COL15A1: variants seen among roughly 807,000 people sequenced by gnomAD.
The protein encoded by COL15A1 is collagen type XV alpha 1 chain.
In COL15A1, 111 loss-of-function variants were observed where a neutral mutation model predicts 165.9. The ratio of observed to expected loss-of-function variants is 0.67; its 90% CI spans 0.57 to 0.78. COL15A1 has a LOEUF of 0.78. Among genes scored for constraint, COL15A1 ranks in the 30% least tolerant of loss-of-function variants. COL15A1 has a pLI of 0.00. For synonymous variants in COL15A1, 659 were observed against 674.8 expected (o/e 0.98, Z 0.36); for missense variants, 1,745 against 1,789.7 (o/e 0.98, Z 0.45).
At chr9:99,068,138 C>T (rs1206929726) in intron 40 of COL15A1, among the ~76,000 whole-genome samples, 1 of 152,072 alleles carries the variant, frequency 6.6e-6, no homozygotes, top group African/African-American at 2.4e-5. Context: ...GGGCTGGAGA[C>T]TCTAATGTGA....
chr9:99,043,377 CTTTAAACACTCTG>C (rs1463514191), intron 24 of COL15A1, among the ~76,000 whole-genome samples: 3 of 152,034 alleles, frequency 2.0e-5, no homozygotes, highest in Non-Finnish European at 4.4e-5. Context: ...GCACCTCTTG[CTTTAAACACTCTG>C]TTTAAACACT....
intron 2 of COL15A1, among the ~76,000 whole-genome samples, chr9:98,970,540 C>T (rs1386949122): frequency 1.3e-5 from 2 of 152,214 alleles, no homozygotes; most frequent in Non-Finnish European, 1.5e-5. Context: ...AATATCTGCC[C>T]CTACAACACC....
intron 24 of COL15A1, 53 bp downstream of exon 24, chr9:99,042,160 G>T (rs375064387): frequency 7.7e-7 from 1 of 1,298,762 alleles, no homozygotes; most frequent in Non-Finnish European, 1.1e-6. Flanking sequence ...TTTGCTAAAC[G>T]TTTCAGATTG....
intron 30 of COL15A1, 114 bp downstream of exon 30, chr9:99,050,009 T>TACACTTAGGGGACAGAAGACA: frequency 7.0e-7 from 1 of 1,429,956 alleles, no homozygotes; most frequent in Non-Finnish European, 9.8e-7. Context: ...CTCTGATGTC[T>TACACTTAGGGGACAGAAGACA]TCTGTCCCCT....
intron 2 of COL15A1, among the ~76,000 whole-genome samples, chr9:98,972,296 G>T (rs1838071581): frequency 6.6e-6 from 1 of 152,076 alleles, no homozygotes; most frequent in African/African-American, 2.4e-5. Context: ...GCATCAGATT[G>T]ACGCAGGCAA....
At chr9:98,978,492 C>G (rs1465997412) in intron 2 of COL15A1, among the ~76,000 whole-genome samples, 1 of 152,206 alleles carries the variant, frequency 6.6e-6, no homozygotes, top group African/African-American at 2.4e-5. Context: ...AGAGGAAAAG[C>G]TTTTTACTGG....
chr9:98,987,891 G>T (rs756252459), intron 4 of COL15A1, among the ~76,000 whole-genome samples: 22 of 152,206 alleles, frequency 1.4e-4, no homozygotes, highest in Non-Finnish European at 2.6e-4. Flanking sequence ...TTAATAAGCT[G>T]CTCATATGCA....
At chr9:99,020,348 A>G in intron 11 of COL15A1, 41 bp from the exon 12 acceptor site, 1 of 1,511,896 alleles carries the variant, frequency 6.6e-7, no homozygotes, top group Admixed American at 1.7e-5. Flanking sequence ...CATGTCCCAA[A>G]TATGTTGTGG....
At chr9:98,986,726 G>C (rs1333249527) in intron 3 of COL15A1, among the ~76,000 whole-genome samples, 1 of 152,202 alleles carries the variant, frequency 6.6e-6, no homozygotes, top group Admixed American at 6.5e-5. Context: ...TGGTGAACAG[G>C]ACAGCACCAC....
intron 40 of COL15A1, 35 bp downstream of exon 40, chr9:99,067,102 T>C (rs773818920): frequency 3.8e-6 from 6 of 1,576,430 alleles, no homozygotes; most frequent in Admixed American, 1.7e-5. Flanking sequence ...GCCTTCTGCA[T>C]GCATTGGTCG....
chr9:99,038,660 C>T lies in COL15A1; in HGVS notation c.2410-8C>T. The T allele has an allele frequency of 6.3e-7, 1 of 1,579,228 alleles. No individual in the cohort carries two copies. The highest frequency in any genetic ancestry group is 1.1e-5 in the South Asian group (1 of 90,120). On this transcript the variant is annotated splice_region_variant and splice_polypyrimidine_tract_variant and intron_variant, in intron 21 of 41. Coordinates refer to ENST00000375001, the MANE Select transcript of COL15A1 (RefSeq NM_001855.5). ...TTTGTCCTCATTGTCTGATTTTTCT[C>T]TTTTCAGTCCTTGATCAATATCACC...
intron 2 of COL15A1, among the ~76,000 whole-genome samples, chr9:98,957,414 G>T (rs1321961562): frequency 6.6e-6 from 1 of 152,182 alleles, no homozygotes; most frequent in Non-Finnish European, 1.5e-5. Flanking sequence ...CTCCAGAACT[G>T]TAAGATAAAA....
intron 39 of COL15A1, among the ~76,000 whole-genome samples, chr9:99,065,798 G>A (rs1416026772): frequency 4.6e-5 from 7 of 151,500 alleles, no homozygotes; most frequent in Admixed American, 3.9e-4. Context: ...CCAGAGATGT[G>A]CAAGGGCTGC....
chr9:98,959,191 G>A (rs1218812426), intron 2 of COL15A1, among the ~76,000 whole-genome samples: 1 of 124,162 alleles, frequency 8.1e-6, no homozygotes, highest in African/African-American at 3.2e-5. Context: ...AGGAGTTCGA[G>A]ACCAGCCTAG....
intron 9 of COL15A1, among the ~76,000 whole-genome samples, chr9:99,005,691 C>T (rs1426652758): frequency 6.6e-6 from 1 of 152,204 alleles, no homozygotes; most frequent in African/African-American, 2.4e-5. Context: ...TCCCATCAAG[C>T]ATCAAGTCTT....
rs544454009 is a variant in COL15A1 at position 98,985,789 on chromosome 9, G to C, written c.325G>C (p.Ala109Pro). The C allele has an allele frequency of 6.2e-7, 1 of 1,614,006 alleles. No individual in the cohort carries two copies. Among genetic ancestry groups the C allele is most frequent in the East Asian group, 2.2e-5 (1 of 44,884 alleles). Reference sequence around the variant, plus strand: ...CAGCACCCGTGGTGGCGTGCTCTTCGCCATCACTGACGCCTTCCAGAAGGT... The same window carrying C: ...CAGCACCCGTGGTGGCGTGCTCTTCCCCATCACTGACGCCTTCCAGAAGGT... Reference protein sequence around the residue: ...PSSTRGGVLFAITDAFQKVIY... With the variant: ...PSSTRGGVLFPITDAFQKVIY... The change falls in exon 3 of 42, where the codon GCC becomes CCC. Residue 109 changes from alanine to proline, a missense_variant. Transcript: ENST00000375001.
At chr9:98,962,575 A>C (rs1837881318) in intron 2 of COL15A1, among the ~76,000 whole-genome samples, 1 of 152,242 alleles carries the variant, frequency 6.6e-6, no homozygotes, top group Non-Finnish European at 1.5e-5. Context: ...GTGCTTTTAA[A>C]GATAAAGCAA....
chr9:99,010,917 G>A (rs777426670), intron 9 of COL15A1, among the ~76,000 whole-genome samples: 10 of 152,322 alleles, frequency 6.6e-5, no homozygotes, highest in Middle Eastern at 3.4e-3. Flanking sequence ...TCTGCAGTGC[G>A]ACTGCTGTTC....
intron 2 of COL15A1, among the ~76,000 whole-genome samples, chr9:98,970,224 T>G (rs1407522894): frequency 2.0e-5 from 3 of 152,182 alleles, no homozygotes; most frequent in Non-Finnish European, 2.9e-5. Context: ...TATGCCAGGC[T>G]CTGGATTACA....
Sources: allele counts gnomAD v4.1 joint callset (sites outside exome capture counted in the v4.1 genomes callset), GRCh38; gene constraint gnomAD v4.1.1; transcripts MANE v1.5; gene names NCBI Gene and HGNC (gene_info 2026-07-23, HGNC 2026-07-21).